Variants in CINP observed in about 807,000 individuals in gnomAD.
CINP encodes cyclin-dependent kinase 2-interacting protein.
In CINP, 11 loss-of-function variants were observed where a neutral mutation model predicts 20.5. The ratio of observed to expected loss-of-function variants is 0.54; its 90% CI spans 0.34 to 0.89. The LOEUF is 0.89. CINP is among the 40% of genes least tolerant of loss of function. The pLI, the probability that CINP is intolerant of heterozygous loss-of-function variation, is 0.02. For synonymous variants in CINP, 108 were observed against 102.1 expected (o/e 1.06, Z -0.35); for missense variants, 213 against 251.0 (o/e 0.85, Z 1.02).
intron 2 of CINP, among the ~76,000 whole-genome samples, chr14:102,359,132 T>C (rs1887066521): frequency 2.0e-5 from 3 of 150,016 alleles, no homozygotes; most frequent in African/African-American, 7.4e-5. Context: ...ACCCAGGCGG[T>C]AGAGGTTGCA....
At chr14:102,353,892 C>A (rs542418085) in intron 3 of CINP, among the ~76,000 whole-genome samples, 8 of 152,126 alleles carry the variant, frequency 5.3e-5, no homozygotes, top group Non-Finnish European at 1.2e-4. Flanking sequence ...AGTTCGAGAC[C>A]AGCCTGGCCA....
chr14:102,362,629 T>C (rs972606600), intron 1 of CINP: 21 of 716,424 alleles, frequency 2.9e-5, no homozygotes, highest in African/African-American at 2.1e-4. Flanking sequence ...CGTTCATCTG[T>C]CACTGCACAT....
At chr14:102,355,718 A>G in intron 3 of CINP, 50 bp downstream of exon 3, 1 of 1,605,190 alleles carries the variant, frequency 6.2e-7, no homozygotes, top group South Asian at 1.1e-5. Flanking sequence ...AAATACGTCC[A>G]TCGGATTCAG....
At chr14:102,354,860 A>C (rs2139630115) in intron 3 of CINP, among the ~76,000 whole-genome samples, 1 of 152,262 alleles carries the variant, frequency 6.6e-6, no homozygotes, top group South Asian at 2.1e-4. Context: ...ACTTGAGGTC[A>C]GGAGTTCGAG....
chr14:102,362,885 A>T lies in CINP; in HGVS notation c.-34T>A. ...CAGATATCCGTAGAAGGAGACGCGA[A>T]GCCCCGCCCACCCCACCGGAAACGC... On this transcript the variant is annotated 5_prime_UTR_variant, in exon 1 of 5. Transcript: ENST00000216756. 2 of 1,613,612 alleles carry T rather than the reference A, an allele frequency of 1.2e-6. No homozygotes were observed. The highest frequency in any genetic ancestry group is 1.7e-6 in the Non-Finnish European group (2 of 1,179,650).
chr14:102,359,228 A>C (rs1277309626), intron 2 of CINP, among the ~76,000 whole-genome samples, 191 bp downstream of exon 2: 2 of 20,564 alleles, frequency 9.7e-5, no homozygotes, highest in Admixed American at 9.6e-4. Flanking sequence ...AAATAACTAA[A>C]TATATATATA....
intron 1 of CINP, among the ~76,000 whole-genome samples, chr14:102,360,884 T>C (rs144802642): frequency 6.6e-6 from 1 of 152,342 alleles, no homozygotes; most frequent in African/African-American, 2.4e-5. Flanking sequence ...GTATCCTCAC[T>C]TTAAAATATC....
chr14:102,352,617 T>G, intron 3 of CINP: 1 of 445,168 alleles, frequency 2.2e-6, no homozygotes, highest in South Asian at 1.6e-5. Flanking sequence ...CTTTTGGTTT[T>G]GAACATAGAA....
At chr14:102,353,020 C>T (rs933907350) in intron 3 of CINP, among the ~76,000 whole-genome samples, 1 of 151,300 alleles carries the variant, frequency 6.6e-6, no homozygotes, top group African/African-American at 2.4e-5. Flanking sequence ...ACCTGTAATC[C>T]CAGCTACTTG....
chr14:102,362,650 G>A (rs751550627), intron 1 of CINP, 195 bp downstream of exon 1: 22 of 737,048 alleles, frequency 3.0e-5, no homozygotes, highest in Non-Finnish European at 5.2e-5. Context: ...GTGAAAAAAC[G>A]GAGGCTCGGC....
In CINP at chr14:102,360,960, G is replaced by C. The variant is rs1887126771; in HGVS notation, c.8-1373C>G. Reference sequence around the variant, plus strand: ...TTTGCTTACTGCCTACAATACGCCAGGCATGGGGGAATGAAGTGATTGAAT... The same window carrying C: ...TTTGCTTACTGCCTACAATACGCCACGCATGGGGGAATGAAGTGATTGAAT... On this transcript the variant is annotated intron_variant, in intron 1 of 4. Coordinates refer to ENST00000216756, the MANE Select transcript of CINP (RefSeq NM_032630.3). Among the ~76,000 whole-genome samples, 2 of 152,168 alleles carry C rather than the reference G, an allele frequency of 1.3e-5. 1 individual carries two copies. Among genetic ancestry groups the C allele is most frequent in the South Asian group, 4.1e-4 (2 of 4,830 alleles).
rs746658358 is a variant in CINP, at chr14:102,350,019, C to T, written c.336G>A (p.Leu112=). The part of the protein sequence containing the change: ...LTKIQVKMEK[L]SSTTKGICEL... The stretch of plus-strand genomic sequence containing the variant: ...CACAAATTCCCTTGGTAGTTGAAGA[C>T]AGCTTTTCCATTTTCACCTGTATTT... The change falls in exon 4 of 5, where the codon CTG becomes CTA. Residue 112 remains leucine (L), a synonymous_variant. Coordinates refer to ENST00000216756, the MANE Select transcript of CINP (RefSeq NM_032630.3). The T allele has an allele frequency of 1.2e-6, 2 of 1,613,466 alleles. No homozygotes were observed. The highest frequency in any genetic ancestry group is 1.7e-6 in the Non-Finnish European group (2 of 1,179,646).
Position 102,348,453 on chromosome 14 carries a change from G to GGTC in CINP, c.*103_*104insGAC, listed in dbSNP as rs1886792390. 1 of 849,690 alleles carries GGTC rather than the reference G, an allele frequency of 1.2e-6. No homozygotes were observed. Among genetic ancestry groups the GGTC allele is most frequent in the Non-Finnish European group, 1.8e-6 (1 of 567,650 alleles). 52.6% of individuals were successfully genotyped at this position (849,690 alleles called of 1,614,324 possible). On this transcript the variant is annotated 3_prime_UTR_variant, in exon 5 of 5. Coordinates refer to ENST00000216756, the MANE Select transcript of CINP (RefSeq NM_032630.3). ...CAAGCTCTGGCCAGAAGACCCCAAG[G>GGTC]TCTGATCCTGGGGTCTGATCCAGGC...
chr14:102,361,248 A>G (rs1165523942), intron 1 of CINP, among the ~76,000 whole-genome samples: 2 of 152,194 alleles, frequency 1.3e-5, no homozygotes, highest in African/African-American at 4.8e-5. Context: ...AAAACAAAAC[A>G]AACAAGCAAA....
At position 102,355,633 on chromosome 14, in the gene CINP, C is replaced by T. The variant is rs528506403; in HGVS notation, c.306+135G>A. ...GCATCTTGGGGAACATTAAGGTTTA[C>T]GCAGCAGGCAGAGGAAGAGAACATC... is the stretch of plus-strand genomic sequence containing the variant. On this transcript the variant is annotated intron_variant, in intron 3 of 4. Transcript: ENST00000216756. 72 of 963,634 alleles carry T rather than the reference C, an allele frequency of 7.5e-5. 1 individual carries two copies. The South Asian group carries it at 9.6e-4, about 13-fold the overall frequency. 59.7% of individuals were successfully genotyped at this position (963,634 alleles called of 1,614,324 possible).
chr14:102,357,564 T>C (rs1887026496), intron 2 of CINP, among the ~76,000 whole-genome samples: 1 of 152,178 alleles, frequency 6.6e-6, no homozygotes, highest in Non-Finnish European at 1.5e-5. Flanking sequence ...TTGAGTGGTC[T>C]GGATAGAAGA....
intron 1 of CINP, among the ~76,000 whole-genome samples, chr14:102,362,049 C>T (rs1278390206): frequency 6.6e-6 from 1 of 152,218 alleles, no homozygotes; most frequent in East Asian, 1.9e-4. Context: ...ACCTTCCACA[C>T]ATAGGAGGCT....
At chr14:102,349,375 T>C in intron 4 of CINP, among the ~76,000 whole-genome samples, 1 of 152,182 alleles carries the variant, frequency 6.6e-6, no homozygotes, top group Non-Finnish European at 1.5e-5. Context: ...GATTTTACCC[T>C]TTCCTGCCTT....
At chr14:102,358,953 A>ACCTGTAATCC (rs1887062608) in intron 2 of CINP, among the ~76,000 whole-genome samples, 2 of 151,954 alleles carry the variant, frequency 1.3e-5, no homozygotes, top group African/African-American at 4.8e-5. Flanking sequence ...GGTGGCTCAC[A>ACCTGTAATCC]CAGCACTTTG....
Sources: gnomAD v4.1 joint callset for allele counts (sites outside exome capture counted in the v4.1 genomes callset) on GRCh38, gnomAD v4.1.1 for gene constraint, MANE v1.5 for transcripts, NCBI Gene and HGNC (gene_info 2026-07-23, HGNC 2026-07-21) for gene names.